Variants in NCKAP5 observed in about 807,000 individuals in gnomAD.
NCKAP5 encodes nck-associated protein 5.
NCKAP5 carries 92 observed loss-of-function variants against 167.0 expected under a neutral mutation model. That is an observed-to-expected ratio of 0.55 (90% CI 0.47 to 0.66). NCKAP5 has a LOEUF of 0.66. Ranked by LOEUF, NCKAP5 falls within the 30% of genes least tolerant of loss-of-function variation. The pLI, the probability that NCKAP5 is intolerant of heterozygous loss-of-function variation, is 0.00. For missense variants in NCKAP5, 2,378 were observed against 2,315.0 expected, an observed-to-expected ratio of 1.03 and a Z score of -0.56; for synonymous variants, 891 against 877.4, an observed-to-expected ratio of 1.02 and a Z score of -0.27.
intron 9 of NCKAP5, among the ~76,000 whole-genome samples, chr2:132,873,422 T>A (rs1690999425): frequency 6.6e-6 from 1 of 152,178 alleles, no homozygotes; most frequent in South Asian, 2.1e-4. Context: ...CGAAAAAATG[T>A]TTTTTAAGAA....
intron 6 of NCKAP5, chr2:133,123,659 G>A (rs2149770548): frequency 2.5e-6 from 1 of 403,126 alleles, no homozygotes. Context: ...AGGCACTCAG[G>A]AGAGCCAGCC....
intron 5 of NCKAP5, among the ~76,000 whole-genome samples, chr2:133,182,424 G>A (rs4954034): frequency 0.62 from 94,976 of 151,974 alleles, 31,478 homozygotes; most frequent in East Asian, 0.95. Context: ...GAAATCATAC[G>A]GACTGTGTTC....
chr2:132,974,714 C>T (rs1267856602), intron 7 of NCKAP5, among the ~76,000 whole-genome samples: 4 of 152,122 alleles, frequency 2.6e-5, no homozygotes, highest in Non-Finnish European at 4.4e-5. Flanking sequence ...GTGAACCATG[C>T]TACTGGCAGC....
intron 3 of NCKAP5, among the ~76,000 whole-genome samples, chr2:133,410,807 C>T (rs1423932315): frequency 6.6e-6 from 1 of 152,212 alleles, no homozygotes; most frequent in Non-Finnish European, 1.5e-5. Context: ...CATGGCTGTA[C>T]ATTAAAATCA....
intron 8 of NCKAP5, among the ~76,000 whole-genome samples, chr2:132,914,414 A>G (rs572967440): frequency 1.7e-4 from 26 of 152,122 alleles, no homozygotes; most frequent in Non-Finnish European, 3.4e-4. Context: ...GTAAAATATA[A>G]GCAAGATAGG....
At position 133,385,423 on chromosome 2, in the gene NCKAP5, C is replaced by T. The variant is rs181418502; in HGVS notation, c.70-82313G>A. Among the ~76,000 whole-genome samples, 395 of 152,020 alleles carry T rather than the reference C, an allele frequency of 2.6e-3. 2 individuals carry two copies. Among genetic ancestry groups the T allele is most frequent in the African/African-American group, 7.3e-3 (301 of 41,382 alleles). On this transcript the variant is annotated intron_variant, in intron 3 of 19. Coordinates refer to ENST00000409261, the MANE Select transcript of NCKAP5 (RefSeq NM_207363.3). ...CACTTGATCATGGTGGATAAGCTGT[C>T]GGATGTGCTGCTGGATTCGGTTTGC...
chr2:132,943,163 C>A (rs1370846883), intron 8 of NCKAP5, among the ~76,000 whole-genome samples: 1 of 152,206 alleles, frequency 6.6e-6, no homozygotes, highest in East Asian at 1.9e-4. Context: ...TCTGGACATA[C>A]CCAAATGGGT....
intron 6 of NCKAP5, among the ~76,000 whole-genome samples, chr2:133,067,579 C>A (rs1238432728): frequency 6.6e-6 from 1 of 152,172 alleles, no homozygotes; most frequent in Non-Finnish European, 1.5e-5. Context: ...GAGGTCCAAG[C>A]ACCAGGGGAT....
chr2:133,368,568 T>C (rs1368036653), intron 3 of NCKAP5, among the ~76,000 whole-genome samples: 2 of 152,222 alleles, frequency 1.3e-5, no homozygotes, highest in African/African-American at 4.8e-5. Flanking sequence ...TAAAGTCACA[T>C]TGTTAATTTG....
At chr2:132,808,604 A>G (rs1044066424) in intron 11 of NCKAP5, among the ~76,000 whole-genome samples, 3 of 152,070 alleles carry the variant, frequency 2.0e-5, no homozygotes, top group Admixed American at 6.5e-5. Flanking sequence ...GTCAGTTGTA[A>G]TATCTCCTGT....
At chr2:133,331,723 C>G (rs1285479164) in intron 3 of NCKAP5, among the ~76,000 whole-genome samples, 1 of 152,156 alleles carries the variant, frequency 6.6e-6, no homozygotes, top group African/African-American at 2.4e-5. Context: ...ACCTGAGGTG[C>G]CCATTAAAGG....
chr2:132,954,608 G>A, intron 8 of NCKAP5: 1 of 452,922 alleles, frequency 2.2e-6, no homozygotes, highest in Non-Finnish European at 4.4e-6. Flanking sequence ...CATAGCCACT[G>A]CATCATATTT....
chr2:132,993,961 T>A (rs2077518242), intron 7 of NCKAP5, among the ~76,000 whole-genome samples, 191 bp downstream of exon 7: 1 of 152,222 alleles, frequency 6.6e-6, no homozygotes, highest in African/African-American at 2.4e-5. Context: ...TGTTTCACAG[T>A]AGGAGTTTAT....
chr2:133,528,750 A>G (rs958072295), intron 2 of NCKAP5, among the ~76,000 whole-genome samples: 1 of 152,186 alleles, frequency 6.6e-6, no homozygotes, highest in African/African-American at 2.4e-5. Context: ...GACATTTGGA[A>G]TCCTAGAATC....
chr2:132,751,584 T>C (rs755565859), intron 16 of NCKAP5, among the ~76,000 whole-genome samples: 1 of 152,210 alleles, frequency 6.6e-6, no homozygotes, highest in Non-Finnish European at 1.5e-5. Flanking sequence ...TGTGGAGCAA[T>C]GCACATGCCT....
intron 3 of NCKAP5, among the ~76,000 whole-genome samples, chr2:133,474,142 ATCTATCTATC>A (rs1365580421): frequency 1.4e-5 from 2 of 146,720 alleles, no homozygotes; most frequent in African/African-American, 2.7e-5. Flanking sequence ...CTATCTATCT[ATCTATCTATC>A]TATACACACA....
Position 133,232,222 on chromosome 2 carries a change from C to CA in NCKAP5, c.144-18444dup, listed in dbSNP as rs538085620. On this transcript the variant is annotated intron_variant, in intron 4 of 19. Transcript: ENST00000409261. ...CAGTGAGTCTGTAGTTTCAGCTACT[C>CA]AGAAGGATTGCTTGAGCCCAGGAGT... Among the ~76,000 whole-genome samples, 53 of 152,248 alleles carry CA rather than the reference C, an allele frequency of 3.5e-4. No homozygotes were observed. In the South Asian group the frequency reaches 7.1e-3, roughly 20 times the overall value.
the NCKAP5 span, among the ~76,000 whole-genome samples, chr2:133,583,393 T>A: frequency 6.6e-6 from 1 of 152,188 alleles, no homozygotes. Flanking sequence ...TGCTATGGGA[T>A]ATGCTGGCTA....
intron 8 of NCKAP5, among the ~76,000 whole-genome samples, chr2:132,946,750 T>C (rs1697768481): frequency 6.6e-6 from 1 of 151,966 alleles, no homozygotes; most frequent in African/African-American, 2.4e-5. Flanking sequence ...ATACAACAAT[T>C]CGCTAGGTGT....
Sources: gnomAD v4.1 joint callset for allele counts (sites outside exome capture counted in the v4.1 genomes callset) on GRCh38, gnomAD v4.1.1 for gene constraint, MANE v1.5 for transcripts, NCBI Gene and HGNC (gene_info 2026-07-23, HGNC 2026-07-21) for gene names.